RPGR: variants seen among roughly 807,000 people sequenced by gnomAD.
RPGR encodes X-linked retinitis pigmentosa GTPase regulator.
A neutral mutation model predicts 56.3 loss-of-function variants in RPGR; 10 were observed. The observed-to-expected ratio is 0.18, with a 90% confidence interval of 0.11 to 0.30. The LOEUF (loss-of-function observed/expected upper bound fraction) is 0.30. RPGR is among the 10% of genes least tolerant of loss of function. RPGR has a pLI of 1.00. For missense variants in RPGR, 538 were observed against 590.9 expected (o/e 0.91, Z 0.93); for synonymous variants, 197 against 212.9 (o/e 0.93, Z 0.65).
intron 15 of RPGR, chrX:38,285,762 C>G: frequency 7.4e-6 from 9 of 1,211,130 alleles, no homozygotes; most frequent in Non-Finnish European, 1.0e-5. Flanking sequence ...CTCCATCCTG[C>G]CTTTCATTCT....
At chrX:38,319,401 A>C (rs146576037) in intron 4 of RPGR, among the ~76,000 whole-genome samples, 1 of 112,537 alleles carries the variant, frequency 8.9e-6, no homozygotes, top group East Asian at 2.8e-4. Flanking sequence ...AATAAGTAAA[A>C]CAAGGCAAAT....
Position 38,321,085 on chromosome X carries a change from T to C in RPGR, c.252A>G (p.Leu84=). The C allele has an allele frequency of 8.4e-7, 1 of 1,187,996 alleles. No homozygotes were observed. Among genetic ancestry groups the C allele is most frequent in the Non-Finnish European group, 1.1e-6 (1 of 873,927 alleles). Residue 84 remains leucine, a synonymous_variant, in exon 4 of 19, where the codon CTA becomes CTG. Coordinates refer to ENST00000642395, the MANE Select transcript of RPGR (RefSeq NM_000328.3). ...CAGCTAATTTCACTTTTTCAGGTTT[T>C]AGAGCTAAAAATATTTAAAATGGGA... is the stretch of plus-strand genomic sequence containing the variant.
At chrX:38,279,945 T>A (rs1286275588) in intron 15 of RPGR, among the ~76,000 whole-genome samples, 1 of 110,450 alleles carries the variant, frequency 9.1e-6, no homozygotes, top group Non-Finnish European at 1.9e-5. Context: ...AACCTGTAAG[T>A]TCATGTTTTA....
intron 1 of RPGR, among the ~76,000 whole-genome samples, chrX:38,326,453 AG>A (rs1430814711): frequency 8.9e-5 from 10 of 112,001 alleles, no homozygotes; most frequent in Non-Finnish European, 1.9e-4. Context: ...ATTATCAAAA[AG>A]GTGTGTGTGG....
chrX:38,284,942 T>G, intron 15 of RPGR: 1 of 754,264 alleles, frequency 1.3e-6, no homozygotes, highest in Non-Finnish European at 1.6e-6. Flanking sequence ...ATCACGTTTT[T>G]GGGATCTAAG....
chrX:38,311,023 C>A (rs1375079296), intron 6 of RPGR, among the ~76,000 whole-genome samples: 1 of 112,478 alleles, frequency 8.9e-6, no homozygotes, highest in Admixed American at 9.4e-5. Context: ...AGTGCTTTCA[C>A]AAAAGTGAAG....
At chrX:38,286,042 C>A in intron 15 of RPGR, 1 of 602,133 alleles carries the variant, frequency 1.7e-6, no homozygotes, top group Admixed American at 4.6e-5. Context: ...CTCCCCTTCT[C>A]CTTCCTCCTC....
rs139376925 is a variant in RPGR, at chrX:38,292,993, T to C, written c.1415-1509A>G. On this transcript the variant is annotated intron_variant, in intron 11 of 18. Coordinates refer to ENST00000642395, the MANE Select transcript of RPGR (RefSeq NM_000328.3). ...TCCCAGAAACATATGCTTTTATATA[T>C]GTTATATTGACCCTACGACAACAAG... is the stretch of plus-strand genomic sequence containing the variant. Among the ~76,000 whole-genome samples the C allele has an allele frequency of 4.7e-4, 53 of 111,904 alleles. No homozygotes were observed. In the East Asian group the frequency reaches 0.01, roughly 22 times the overall value.
At chrX:38,320,350 T>C (rs984792057) in intron 4 of RPGR, among the ~76,000 whole-genome samples, 4 of 111,556 alleles carry the variant, frequency 3.6e-5, no homozygotes, top group African/African-American at 1.3e-4. Context: ...GAGGTCTAAA[T>C]GTTACAGCAG....
intron 15 of RPGR, among the ~76,000 whole-genome samples, chrX:38,280,290 TAA>T (rs961703757): frequency 4.5e-5 from 5 of 111,855 alleles, no homozygotes; most frequent in African/African-American, 1.6e-4. Context: ...CGAAAAACAG[TAA>T]GTTTGGACTT....
chrX:38,288,640 G>T (rs181879696), intron 13 of RPGR, among the ~76,000 whole-genome samples: 3,131 of 111,381 alleles, frequency 0.028, 121 homozygotes, highest in African/African-American at 0.097. Context: ...GGGAGGCAGA[G>T]GTTGCAGTGA....
intron 18 of RPGR, among the ~76,000 whole-genome samples, chrX:38,270,014 G>T (rs1380355554): frequency 8.9e-6 from 1 of 111,912 alleles, no homozygotes; most frequent in African/African-American, 3.2e-5. Context: ...CCAAAAGGCA[G>T]TCAGGATTCC....
At chrX:38,279,803 T>C (rs1417252994) in intron 15 of RPGR, among the ~76,000 whole-genome samples, 2 of 111,281 alleles carry the variant, frequency 1.8e-5, no homozygotes, top group African/African-American at 6.6e-5. Flanking sequence ...ATTTCTGACA[T>C]GCTTCAATGT....
Position 38,269,616 on chromosome X carries a change from A to G in RPGR, c.*10T>C. On this transcript the variant is annotated 3_prime_UTR_variant, in exon 19 of 19. Transcript: ENST00000642395. The stretch of plus-strand genomic sequence containing the variant: ...ATACACTTGGTGACTGTGAAAACAT[A>G]AATATATATTTATAGTATTGTACAG... 1.8e-6 allele frequency: 2 copies of G among 1,129,180 alleles called. No individual in the cohort carries two copies. The highest frequency in any genetic ancestry group is 2.4e-6 in the Non-Finnish European group (2 of 822,837). The allele number at this position is 1,129,180 out of a possible 1,213,427, so 93.1% of individuals were successfully genotyped here.
At chrX:38,286,702 C>T (rs754741167) in intron 15 of RPGR, 4 of 1,147,610 alleles carry the variant, frequency 3.5e-6, no homozygotes, top group Non-Finnish European at 3.5e-6. Context: ...TTCACGTTCT[C>T]CCTCCACTTC....
chrX:38,269,694 T>C lies in RPGR; in HGVS notation c.2380A>G (p.Ser794Gly), dbSNP rs1375860616. The C allele has an allele frequency of 8.3e-7, 1 of 1,207,971 alleles. No homozygotes were observed. The highest frequency in any genetic ancestry group is 3.0e-5 in the East Asian group (1 of 33,744). ...GGTGGGATATTCTGATGATTCTGAC[T>C]CATGTGGTTCTGGTCGGCATCTTTA... The change falls in exon 19 of 19, where the codon AGT becomes GGT. Residue 794 changes from serine (S) to glycine (G), a missense_variant. Ser to Gly is a moderately conservative substitution (Grantham distance 56). This residue lies in a region of RPGR where 357 missense variants were observed against 325.8 expected (regional missense o/e 1.10). Transcript: ENST00000642395.
chrX:38,277,580 A>G (rs55719880), intron 15 of RPGR, among the ~76,000 whole-genome samples: 14,329 of 110,781 alleles, frequency 0.13, 870 homozygotes, highest in Middle Eastern at 0.24. Flanking sequence ...ACACTTCACT[A>G]AAGTTATAAC....
intron 9 of RPGR, among the ~76,000 whole-genome samples, chrX:38,300,717 T>C (rs758849180): frequency 1.7e-4 from 19 of 110,975 alleles, no homozygotes; most frequent in Admixed American, 8.6e-4. Flanking sequence ...GTATTTTCAT[T>C]AGTGACAGGG....
intron 4 of RPGR, among the ~76,000 whole-genome samples, chrX:38,320,558 G>A (rs2067919046): frequency 8.9e-6 from 1 of 112,222 alleles, no homozygotes; most frequent in Admixed American, 9.4e-5. Flanking sequence ...CCAGTCCTCT[G>A]TTATTTTTCA....
Sources: allele counts gnomAD v4.1 joint callset (sites outside exome capture counted in the v4.1 genomes callset), GRCh38; gene constraint gnomAD v4.1.1; regional missense constraint gnomAD v4.1.1; transcripts MANE v1.5; gene names NCBI Gene and HGNC (gene_info 2026-07-23, HGNC 2026-07-21).